The following PINK1 variants were observed in gnomAD, a reference collection of about 807,000 sequenced individuals.
PINK1 encodes the protein PTEN induced kinase 1.
Under a neutral mutation model 56.0 loss-of-function variants are expected in PINK1, and 58 were observed. That is an observed-to-expected ratio of 1.04 (90% confidence interval 0.84 to 1.29). The LOEUF (loss-of-function observed/expected upper bound fraction) is 1.29. Among genes scored for constraint, PINK1 ranks in the 50% most tolerant of loss-of-function variants. The pLI, the probability that PINK1 is intolerant of heterozygous loss-of-function variation, is 0.00. For missense variants in PINK1, 745 were observed against 777.9 expected (o/e 0.96, Z 0.50); for synonymous variants, 354 against 339.3 (o/e 1.04, Z -0.48).
intron 6 of PINK1, 42 bp downstream of exon 6, chr1:20,648,674 C>G: frequency 6.2e-7 from 1 of 1,609,580 alleles, no homozygotes; most frequent in Non-Finnish European, 8.5e-7. Context: ...AGCCCTTCCC[C>G]CACATGTCCA....
At chr1:20,647,466 C>CT (rs34054663) in intron 5 of PINK1, among the ~76,000 whole-genome samples, 24,078 of 73,312 alleles carry the variant, frequency 0.33, 5,399 homozygotes, top group Non-Finnish European at 0.34. Flanking sequence ...TGGGAGTTGG[C>CT]TTTTTTTTTT....
Position 20,650,470 on chromosome 1 carries a change from C to T in PINK1, c.1525C>T (p.Leu509=). The change falls in exon 8 of 8, where the codon CTA becomes TTA. Residue 509 remains leucine, a synonymous_variant. Coordinates refer to ENST00000321556, the MANE Select transcript of PINK1 (RefSeq NM_032409.3). ...SARVAANVLH[L]SLWGEHILAL... ...CCGAGTAGCCGCAAATGTGCTTCAT[C>T]TAAGCCTCTGGGGTGAACATATTCT... 1.2e-6 allele frequency: 2 copies of T among 1,614,116 alleles called. No individual in the cohort carries two copies. The highest frequency in any genetic ancestry group is 1.7e-6 in the Non-Finnish European group (2 of 1,179,954).
intron 7 of PINK1, 76 bp from the exon 8 acceptor site, chr1:20,650,358 C>G (rs1357101539): frequency 1.3e-6 from 2 of 1,581,154 alleles, no homozygotes; most frequent in East Asian, 4.5e-5. Flanking sequence ...AAGGGAAGAC[C>G]CTCACTAACA....
intron 1 of PINK1, 65 bp downstream of exon 1, chr1:20,634,000 T>TCTGGG: frequency 2.9e-6 from 2 of 696,610 alleles, no homozygotes; most frequent in East Asian, 5.6e-5. Context: ...GGTCCTCAGC[T>TCTGGG]GGGTGGGGGC....
intron 7 of PINK1, chr1:20,650,077 T>G: frequency 2.8e-6 from 1 of 362,570 alleles, no homozygotes; most frequent in Non-Finnish European, 5.3e-6. Flanking sequence ...GCTATCTTGG[T>G]GCGCAGTGAA....
chr1:20,638,616 TG>T, intron 2 of PINK1: 1 of 233,574 alleles, frequency 4.3e-6, no homozygotes, highest in Non-Finnish European at 8.3e-6. Context: ...CACTCCAGCC[TG>T]GGTAACAGAG....
rs1223601119 is a variant in PINK1, at chr1:20,651,463, C to G, written c.*772C>G. 2.0e-5 allele frequency: 3 copies of G among 152,450 alleles called. No individual in the cohort carries two copies. Among genetic ancestry groups the G allele is most frequent in the Admixed American group, 1.3e-4 (2 of 15,300 alleles). 9.4% of individuals were successfully genotyped at this position (152,450 alleles called of 1,614,324 possible). A position where few individuals can be genotyped will look rare whatever the true frequency, so the allele number is the denominator to read the frequency against. On this transcript the variant is annotated 3_prime_UTR_variant, in exon 8 of 8. Coordinates refer to ENST00000321556, the MANE Select transcript of PINK1 (RefSeq NM_032409.3). ...AACTTTATACATGATTTTTAGGAAG[C>G]TATTGCCTAAATCAGCGTCAACATG...
Position 20,633,947 on chromosome 1 carries a change from C to T in PINK1, c.387+12C>T, listed in dbSNP as rs956355350. 2.2e-6 allele frequency: 3 copies of T among 1,356,484 alleles called. No individual in the cohort carries two copies. Among genetic ancestry groups the T allele is most frequent in the Non-Finnish European group, 2.9e-6 (3 of 1,031,250 alleles). 84.0% of individuals were successfully genotyped at this position (1,356,484 alleles called of 1,614,324 possible). A position where few individuals can be genotyped will look rare whatever the true frequency, so the allele number is the denominator to read the frequency against. On this transcript the variant is annotated intron_variant, in intron 1 of 7. Coordinates refer to ENST00000321556, the MANE Select transcript of PINK1 (RefSeq NM_032409.3). ...GTCAGGAGATCCAGGTGAGCGGGGCCGGGTCCTAAGCCGAGCGGAGGACGG... is the reference window on the plus strand; with the variant it reads ...GTCAGGAGATCCAGGTGAGCGGGGCTGGGTCCTAAGCCGAGCGGAGGACGG...
At chr1:20,648,701 C>CG (rs1280133923) in intron 6 of PINK1, 69 bp downstream of exon 6, 10 of 1,595,792 alleles carry the variant, frequency 6.3e-6, no homozygotes, top group Non-Finnish European at 8.5e-6. Flanking sequence ...GCAGGAGACT[C>CG]GATGCCTTGT....
In PINK1 at chr1:20,641,259, C is replaced by T. The variant is rs2053113168; in HGVS notation, c.776+1267C>T. On this transcript the variant is annotated intron_variant, in intron 3 of 7. Coordinates refer to ENST00000321556, the MANE Select transcript of PINK1 (RefSeq NM_032409.3). This position sits in a 1 kb window ranked among gnomAD's most constrained non-coding sequence, Gnocchi z 4.0. ...AGCTGCTCAAGTGGCTGCTGCTTCT[C>T]CTGAGGCCTTTTTGGAGAAAGTGGA... 6.6e-6 allele frequency among the ~76,000 whole-genome samples: 1 copy of T among 152,132 alleles called. No individual in the cohort carries two copies. The highest frequency in any genetic ancestry group is 2.4e-5 in the African/African-American group (1 of 41,414).
intron 3 of PINK1, among the ~76,000 whole-genome samples, chr1:20,640,909 G>A (rs560825086): frequency 1.2e-4 from 18 of 152,266 alleles, no homozygotes; most frequent in Middle Eastern, 3.4e-3. Flanking sequence ...GGGGGCAAAT[G>A]CCTGTGATCC....
intron 1 of PINK1, among the ~76,000 whole-genome samples, chr1:20,637,014 A>G (rs1322210156): frequency 6.6e-6 from 1 of 152,188 alleles, no homozygotes; most frequent in African/African-American, 2.4e-5. Context: ...CAGAGCAGGG[A>G]AGGCACGGCA....
chr1:20,635,505 G>A (rs2053048278), intron 1 of PINK1, among the ~76,000 whole-genome samples: 2 of 149,798 alleles, frequency 1.3e-5, no homozygotes, highest in African/African-American at 4.9e-5. Context: ...TGACTGGGGG[G>A]AGAAAAAGTT....
chr1:20,642,080 C>A (rs531040968), intron 3 of PINK1, among the ~76,000 whole-genome samples: 4 of 152,294 alleles, frequency 2.6e-5, no homozygotes, highest in South Asian at 4.1e-4. Flanking sequence ...GACTCAAGAG[C>A]AGGAGCAGCG....
chr1:20,638,296 A>C (rs12408590), intron 2 of PINK1, 167 bp downstream of exon 2: 73 of 770,792 alleles, frequency 9.5e-5, no homozygotes, highest in Non-Finnish European at 1.0e-4. Context: ...AGTCTAAACC[A>C]GAATGTTTGA....
In PINK1 at chr1:20,639,307, T is replaced by TG. The variant is rs578033052; in HGVS notation, c.676-584dup. ...GCCCTGGTTGGGGCATGACAGCTGT[T>TG]GCATTCACAGCAGCTACAAGATTGT... On this transcript the variant is annotated intron_variant, in intron 2 of 7. Coordinates refer to ENST00000321556, the MANE Select transcript of PINK1 (RefSeq NM_032409.3). 1.1e-4 allele frequency: 20 copies of TG among 174,084 alleles called. No homozygotes were observed. In the South Asian group the frequency reaches 2.7e-3, roughly 24 times the overall value. 10.8% of individuals were successfully genotyped at this position (174,084 alleles called of 1,614,324 possible).
chr1:20,651,217 C>CAGTA lies in PINK1; in HGVS notation c.*538_*541dup, dbSNP rs3077906. 3,624 of 177,764 alleles carry CAGTA rather than the reference C, an allele frequency of 0.02. 45 individuals are homozygous for CAGTA. The highest frequency in any genetic ancestry group is 0.04 in the African/African-American group (1,686 of 42,420). The allele number at this position is 177,764 out of a possible 1,614,324, so 11.0% of individuals were successfully genotyped here. A position where few individuals can be genotyped will look rare whatever the true frequency, so the allele number is the denominator to read the frequency against. ...TCACTTAGCGAAAGTGACGGATGAG[C>CAGTA]AGTAAGTAAGTAAGTGTGGGGATTT... On this transcript the variant is annotated 3_prime_UTR_variant, in exon 8 of 8. Coordinates refer to ENST00000321556, the MANE Select transcript of PINK1 (RefSeq NM_032409.3).
chr1:20,640,242 G>C (rs1471382607), intron 3 of PINK1, among the ~76,000 whole-genome samples: 1 of 152,170 alleles, frequency 6.6e-6, no homozygotes, highest in Non-Finnish European at 1.5e-5. Flanking sequence ...AAAATGCCCA[G>C]TTCACAGTGT....
chr1:20,634,401 A>G (rs1322961521), intron 1 of PINK1, among the ~76,000 whole-genome samples: 1 of 152,214 alleles, frequency 6.6e-6, no homozygotes, highest in Non-Finnish European at 1.5e-5. Flanking sequence ...ATTAGTAGTG[A>G]CAGAGCTGAA....
Sources: gnomAD v4.1 joint callset for allele counts (sites outside exome capture counted in the v4.1 genomes callset) on GRCh38, gnomAD v4.1.1 for gene constraint, Gnocchi (gnomAD v3.1) non-coding constraint, MANE v1.5 for transcripts, NCBI Gene and HGNC (gene_info 2026-07-23, HGNC 2026-07-21) for gene names.